Variants in RTTN observed in about 807,000 individuals in gnomAD.
RTTN encodes the protein rotatin.
In RTTN, 182 loss-of-function variants were observed where a neutral mutation model predicts 269.2. The observed-to-expected ratio is 0.68, with a 90% CI of 0.60 to 0.76. The LOEUF (loss-of-function observed/expected upper bound fraction) is 0.76. Ranked by LOEUF, RTTN falls within the 30% of genes least tolerant of loss-of-function variation. The pLI is 0.00. For synonymous variants in RTTN, 1,006 were observed against 963.5 expected, an observed-to-expected ratio of 1.04 and a Z score of -0.82; for missense variants, 2,545 against 2,608.6, an observed-to-expected ratio of 0.98 and a Z score of 0.53.
rs1482136571 is a variant in RTTN at position 70,109,619 on chromosome 18, G to A, written c.3782C>T (p.Pro1261Leu). 8 of 1,613,874 alleles carry A rather than the reference G, an allele frequency of 5.0e-6. No homozygotes were observed. The highest frequency in any genetic ancestry group is 2.7e-5 in the African/African-American group (2 of 74,854). The change falls in exon 28 of 49, where the codon CCG becomes CTG. Residue 1261 changes from proline (P) to leucine (L), a missense_variant. Physicochemically the swap from Pro to Leu is moderately conservative, Grantham distance 98. Coordinates refer to ENST00000640769, the MANE Select transcript of RTTN (RefSeq NM_173630.4). ...CCCTCGTAAGGTCCGCTCAAGGGAC[G>A]GCAGGCCATAGAAATGAGGCGCATC... ...VTDAPHFYGL[P>L]SLERTLRGMA...
intron 18 of RTTN, among the ~76,000 whole-genome samples, chr18:70,142,917 C>T (rs1474874572): frequency 6.6e-6 from 1 of 152,104 alleles, no homozygotes; most frequent in Non-Finnish European, 1.5e-5. Flanking sequence ...CCCAGCTACT[C>T]GGGAGGCTGA....
At chr18:70,065,442 T>C (rs2058107287) in intron 35 of RTTN, among the ~76,000 whole-genome samples, 2 of 152,142 alleles carry the variant, frequency 1.3e-5, no homozygotes, top group Admixed American at 6.5e-5. Context: ...TGCCTTTAAA[T>C]GGAAGCATAG....
intron 34 of RTTN, among the ~76,000 whole-genome samples, chr18:70,072,987 A>G (rs2058336782): frequency 6.6e-6 from 1 of 152,096 alleles, no homozygotes; most frequent in African/African-American, 2.4e-5. Context: ...AAGACTTAAA[A>G]CTGTAGCAAA....
Position 70,162,737 on chromosome 18 carries a change from A to G in RTTN, c.1929+3325T>C, listed in dbSNP as rs970361752. ...TTGGGTGGGGACACAAAGACAAACC[A>G]TATCAGAGGGTGAGGATCAAAAAAC... On this transcript the variant is annotated intron_variant, in intron 14 of 48. Coordinates refer to ENST00000640769, the MANE Select transcript of RTTN (RefSeq NM_173630.4). 3.3e-5 allele frequency among the ~76,000 whole-genome samples: 5 copies of G among 151,962 alleles called. No individual in the cohort carries two copies. The South Asian group carries it at 8.3e-4, about 25-fold the overall frequency.
At chr18:70,006,700 C>T in intron 46 of RTTN, 1 of 451,806 alleles carries the variant, frequency 2.2e-6, no homozygotes. Flanking sequence ...GGGTCAAAGA[C>T]ACTGAAGCTG....
chr18:70,067,974 C>A (rs1455706339), intron 34 of RTTN, among the ~76,000 whole-genome samples: 2 of 152,172 alleles, frequency 1.3e-5, no homozygotes, highest in Admixed American at 6.6e-5. Flanking sequence ...TAACTTACCC[C>A]ATGTGGTTGG....
At chr18:70,140,389 C>T (rs764922391) in intron 19 of RTTN, among the ~76,000 whole-genome samples, 3 of 152,060 alleles carry the variant, frequency 2.0e-5, no homozygotes, top group Non-Finnish European at 2.9e-5. Flanking sequence ...AAGTAAAAAG[C>T]ATATCTTACT....
intron 43 of RTTN, among the ~76,000 whole-genome samples, chr18:70,025,603 A>C (rs1050843389): frequency 1.3e-5 from 2 of 152,220 alleles, no homozygotes; most frequent in Admixed American, 1.3e-4. Context: ...TAAGCACTGA[A>C]GTCATTCCCA....
chr18:70,104,872 G>A (rs1029759848), intron 28 of RTTN, among the ~76,000 whole-genome samples: 3 of 152,116 alleles, frequency 2.0e-5, no homozygotes, highest in African/African-American at 7.2e-5. Flanking sequence ...CGTCTCAAGA[G>A]GGGCACCCGG....
At chr18:70,123,941 C>A (rs1317518747) in intron 25 of RTTN, among the ~76,000 whole-genome samples, 1 of 151,948 alleles carries the variant, frequency 6.6e-6, no homozygotes, top group African/African-American at 2.4e-5. Flanking sequence ...TTCCTATTCA[C>A]CCCATGCCAC....
chr18:70,181,142 C>T (rs1162466628), intron 10 of RTTN, among the ~76,000 whole-genome samples: 1 of 152,138 alleles, frequency 6.6e-6, no homozygotes, highest in Non-Finnish European at 1.5e-5. Context: ...TGAAGTCCTA[C>T]CAACATTCTA....
At chr18:70,157,793 T>C (rs990834134) in intron 14 of RTTN, among the ~76,000 whole-genome samples, 3 of 152,022 alleles carry the variant, frequency 2.0e-5, no homozygotes, top group Non-Finnish European at 4.4e-5. Flanking sequence ...AACAAAAATT[T>C]CATGATAGGA....
At chr18:70,047,109 C>T (rs1040298309) in intron 40 of RTTN, among the ~76,000 whole-genome samples, 2 of 152,178 alleles carry the variant, frequency 1.3e-5, no homozygotes, top group African/African-American at 4.8e-5. Flanking sequence ...GAACAATCTT[C>T]TAAGCAACAA....
At chr18:70,129,147 C>T (rs2059937411) in intron 23 of RTTN, 1 of 151,904 alleles carries the variant, frequency 6.6e-6, no homozygotes, top group Non-Finnish European at 1.5e-5. Context: ...ATCTTTTAAA[C>T]CAAAGTTAAT....
intron 19 of RTTN, 63 bp from the exon 20 acceptor site, chr18:70,140,251 T>C (rs1210054692): frequency 2.2e-6 from 2 of 897,238 alleles, no homozygotes; most frequent in East Asian, 5.1e-5. Context: ...ACACGTATTT[T>C]GAAATACTCA....
At chr18:70,151,917 G>C (rs1044030643) in intron 14 of RTTN, among the ~76,000 whole-genome samples, 3 of 152,096 alleles carry the variant, frequency 2.0e-5, no homozygotes, top group Non-Finnish European at 4.4e-5. Context: ...CCTCACAAGA[G>C]TTCGCTGTCC....
chr18:70,154,923 A>G (rs917292727), intron 14 of RTTN, among the ~76,000 whole-genome samples: 5 of 152,194 alleles, frequency 3.3e-5, no homozygotes, highest in African/African-American at 1.2e-4. Flanking sequence ...ATTTGATATT[A>G]TCAAATATCT....
At chr18:70,039,776 C>T (rs948947416) in intron 40 of RTTN, among the ~76,000 whole-genome samples, 1 of 151,924 alleles carries the variant, frequency 6.6e-6, no homozygotes, top group African/African-American at 2.4e-5. Flanking sequence ...AAAGACAGTA[C>T]AATAAGACAT....
intron 35 of RTTN, among the ~76,000 whole-genome samples, chr18:70,065,611 CA>C (rs1460259287): frequency 1.5e-4 from 23 of 152,298 alleles, no homozygotes; most frequent in Non-Finnish European, 8.8e-5. Flanking sequence ...AGGAGCCACA[CA>C]GGAATTGGAC....
Sources: allele counts gnomAD v4.1 joint callset (sites outside exome capture counted in the v4.1 genomes callset), GRCh38; gene constraint gnomAD v4.1.1; transcripts MANE v1.5; gene names NCBI Gene and HGNC (gene_info 2026-07-23, HGNC 2026-07-21).